Variants in PTPRD observed in about 807,000 individuals in gnomAD.
PTPRD encodes receptor-type tyrosine-protein phosphatase delta.
PTPRD carries 34 observed loss-of-function variants against 214.5 expected under a neutral mutation model. The ratio of observed to expected loss-of-function variants is 0.16; its 90% CI spans 0.12 to 0.21. The LOEUF is 0.21. Ranked by LOEUF, PTPRD falls within the 10% of genes least tolerant of loss-of-function variation. The pLI is 1.00. For missense variants in PTPRD, 2,545 were observed against 2,398.7 expected, an observed-to-expected ratio of 1.06 and a Z score of -1.27; for synonymous variants, 1,128 against 845.7, an observed-to-expected ratio of 1.33 and a Z score of -5.79.
chr9:8,734,298 T>A (rs1183121657), intron 11 of PTPRD, among the ~76,000 whole-genome samples: 1 of 152,174 alleles, frequency 6.6e-6, no homozygotes, highest in Non-Finnish European at 1.5e-5. Flanking sequence ...CGTAAATACA[T>A]CAGTGCAAAG....
Position 9,900,641 on chromosome 9 carries a change from G to GTTTTTTTTTTTGTTTTTTTT in PTPRD, c.-368+37865_-368+37866insAAAAAAAACAAAAAAAAAAA, listed in dbSNP as rs367877727. Among the ~76,000 whole-genome samples, 27 of 120,100 alleles carry GTTTTTTTTTTTGTTTTTTTT rather than the reference G, an allele frequency of 2.2e-4. 1 individual carries two copies. Among genetic ancestry groups the GTTTTTTTTTTTGTTTTTTTT allele is most frequent in the African/African-American group, 6.9e-4 (22 of 32,094 alleles). 78.8% of individuals were successfully genotyped at this position (120,100 alleles called of 152,430 possible). A position where few individuals can be genotyped will look rare whatever the true frequency, so the allele number is the denominator to read the frequency against. On this transcript the variant is annotated intron_variant, in intron 5 of 45. Coordinates refer to ENST00000381196, the MANE Select transcript of PTPRD (RefSeq NM_002839.4). Reference sequence around the variant, plus strand: ...TCCAAAGGTGCTTCCACATTTTCAGGTTTTTTTTTTTTTTGAGATGGAGTC... The same window carrying GTTTTTTTTTTTGTTTTTTTT: ...TCCAAAGGTGCTTCCACATTTTCAGGTTTTTTTTTTTGTTTTTTTTTTTTTTTTTTTTTTGAGATGGAGTC...
chr9:8,414,868 C>A (rs946309793), intron 35 of PTPRD, among the ~76,000 whole-genome samples: 7 of 116,578 alleles, frequency 6.0e-5, no homozygotes, highest in Non-Finnish European at 1.2e-4. Context: ...TGCAGGGGAG[C>A]AGGAGAGAGG....
chr9:8,606,949 T>C (rs2095247020), intron 14 of PTPRD, among the ~76,000 whole-genome samples: 2 of 152,182 alleles, frequency 1.3e-5, no homozygotes, highest in African/African-American at 4.8e-5. Flanking sequence ...AAAACCTTAC[T>C]TGAATGCTTA....
chr9:9,979,553 T>G (rs1478532354), intron 4 of PTPRD, among the ~76,000 whole-genome samples: 1 of 152,024 alleles, frequency 6.6e-6, no homozygotes, highest in Non-Finnish European at 1.5e-5. Flanking sequence ...ATATATACAA[T>G]TTAAAGATGG....
At chr9:9,467,198 T>A (rs536804443) in intron 8 of PTPRD, among the ~76,000 whole-genome samples, 1 of 150,418 alleles carries the variant, frequency 6.6e-6, no homozygotes, top group South Asian at 2.1e-4. Flanking sequence ...CATATAGAGA[T>A]GATGGTTCAT....
At chr9:9,415,563 T>C (rs1044674444) in intron 8 of PTPRD, among the ~76,000 whole-genome samples, 2 of 152,146 alleles carry the variant, frequency 1.3e-5, no homozygotes, top group Admixed American at 6.5e-5. Context: ...TTTGCTAAAT[T>C]AGTGGATCTC....
chr9:9,574,222 T>C (rs1426387876), intron 8 of PTPRD, among the ~76,000 whole-genome samples: 1 of 151,954 alleles, frequency 6.6e-6, no homozygotes, highest in Admixed American at 6.6e-5. Flanking sequence ...AGTTAATGAA[T>C]AATTAAAGCC....
chr9:9,974,552 C>A (rs1443320697), intron 4 of PTPRD, among the ~76,000 whole-genome samples: 1 of 152,112 alleles, frequency 6.6e-6, no homozygotes, highest in Non-Finnish European at 1.5e-5. Context: ...TTTAAATAAA[C>A]CTCCACTTAA....
At chr9:8,606,083 G>A (rs971840955) in intron 14 of PTPRD, among the ~76,000 whole-genome samples, 2 of 152,020 alleles carry the variant, frequency 1.3e-5, no homozygotes, top group African/African-American at 4.8e-5. Flanking sequence ...AACAATGAAT[G>A]GATCTACATA....
intron 5 of PTPRD, among the ~76,000 whole-genome samples, chr9:9,864,017 A>T (rs190094281): frequency 1.3e-4 from 20 of 152,264 alleles, no homozygotes; most frequent in African/African-American, 4.8e-4. Flanking sequence ...TAAGTTTGAA[A>T]GGTTTGGCCG....
At chr9:9,402,714 G>C (rs2071170794) in intron 8 of PTPRD, among the ~76,000 whole-genome samples, 1 of 135,558 alleles carries the variant, frequency 7.4e-6, no homozygotes, top group African/African-American at 2.8e-5. Flanking sequence ...AGATGTCTGA[G>C]CAAGTATGTG....
intron 3 of PTPRD, among the ~76,000 whole-genome samples, chr9:10,285,506 A>C (rs908668762): frequency 6.6e-6 from 1 of 151,980 alleles, no homozygotes; most frequent in Non-Finnish European, 1.5e-5. Context: ...TAAAAAGCAC[A>C]CACAGCCTTT....
At chr9:10,364,016 T>TTTTTTTTTTGA (rs2097458281) in intron 2 of PTPRD, among the ~76,000 whole-genome samples, 1 of 143,004 alleles carries the variant, frequency 7.0e-6, no homozygotes, top group African/African-American at 2.7e-5. Flanking sequence ...TTTTTTTTTT[T>TTTTTTTTTTGA]TGAGATGGAG....
At chr9:8,645,836 C>G (rs1175722884) in intron 12 of PTPRD, among the ~76,000 whole-genome samples, 4 of 143,862 alleles carry the variant, frequency 2.8e-5, no homozygotes, top group Non-Finnish European at 4.6e-5. Context: ...CCCAGTCCTT[C>G]TCCTCTTACT....
intron 30 of PTPRD, 68 bp from the exon 31 acceptor site, chr9:8,471,153 C>A: frequency 1.5e-6 from 2 of 1,347,636 alleles, no homozygotes; most frequent in Non-Finnish European, 2.1e-6. Context: ...TACCCTTAAA[C>A]CTTCCACAGA....
intron 2 of PTPRD, among the ~76,000 whole-genome samples, chr9:10,346,394 G>A (rs2097082377): frequency 6.6e-6 from 1 of 151,886 alleles, no homozygotes; most frequent in South Asian, 2.1e-4. Flanking sequence ...AGAATGTTTA[G>A]GAATTGAAAA....
chr9:10,000,296 C>A (rs555672505), intron 4 of PTPRD, among the ~76,000 whole-genome samples: 4 of 152,034 alleles, frequency 2.6e-5, no homozygotes, highest in African/African-American at 9.7e-5. Context: ...CTATAGGACC[C>A]CCACTAACAG....
chr9:9,238,685 C>T (rs73388884), intron 9 of PTPRD, among the ~76,000 whole-genome samples: 9,842 of 152,114 alleles, frequency 0.065, 357 homozygotes, highest in African/African-American at 0.085. Flanking sequence ...GGTCACCCAC[C>T]AGCTTCAATA....
intron 2 of PTPRD, among the ~76,000 whole-genome samples, chr9:10,502,070 G>T (rs557034469): frequency 1.3e-5 from 2 of 151,858 alleles, no homozygotes; most frequent in East Asian, 3.9e-4. Flanking sequence ...TAAGAAAATA[G>T]TGTGCTATTG....
Sources: gnomAD v4.1 joint callset for allele counts (sites outside exome capture counted in the v4.1 genomes callset) on GRCh38, gnomAD v4.1.1 for gene constraint, MANE v1.5 for transcripts, NCBI Gene and HGNC (gene_info 2026-07-23, HGNC 2026-07-21) for gene names.